CHD9: variants seen among roughly 807,000 people sequenced by gnomAD.
CHD9 encodes chromodomain helicase DNA binding protein 9.
CHD9 carries 77 observed loss-of-function variants against 316.1 expected under a neutral mutation model. The observed-to-expected ratio is 0.24, with a 90% CI of 0.20 to 0.29. The LOEUF is 0.29. Ranked by LOEUF, CHD9 falls within the 10% of genes least tolerant of loss-of-function variation. The probability of loss-of-function intolerance (pLI) is 1.00; values close to 1 mark genes in which losing one functional copy is unlikely to be tolerated. For missense variants in CHD9, 2,763 were observed against 3,438.1 expected (o/e 0.80, Z 4.91); for synonymous variants, 1,129 against 1,158.3 (o/e 0.97, Z 0.51).
chr16:53,250,891 AC>A (rs1398098077), intron 17 of CHD9, among the ~76,000 whole-genome samples: 4 of 152,182 alleles, frequency 2.6e-5, no homozygotes, highest in Non-Finnish European at 5.9e-5. Context: ...GTAGCTCTGA[AC>A]AACCCATTAA....
chr16:53,083,312 T>C (rs1377856253), intron 1 of CHD9, among the ~76,000 whole-genome samples: 1 of 152,200 alleles, frequency 6.6e-6, no homozygotes, highest in African/African-American at 2.4e-5. Flanking sequence ...TTTAACACAC[T>C]TGCCCTTGCT....
intron 1 of CHD9, among the ~76,000 whole-genome samples, chr16:53,101,273 C>CTTTTTTTTTTTTTTTT (rs1012377760): frequency 8.0e-6 from 1 of 124,862 alleles, no homozygotes; most frequent in African/African-American, 3.0e-5. Flanking sequence ...TTTTCCTTTT[C>CTTTTTTTTTTTTTTTT]TTTTTTTTTT....
intron 1 of CHD9, among the ~76,000 whole-genome samples, chr16:53,074,132 CT>C (rs1201304272): frequency 6.6e-6 from 1 of 152,146 alleles, no homozygotes; most frequent in African/African-American, 2.4e-5. Context: ...GCAAAGGTGA[CT>C]CTTCTTTATG....
chr16:53,055,211 TG>T (rs900738629), intron 1 of CHD9, 134 bp downstream of exon 1: 17 of 152,738 alleles, frequency 1.1e-4, no homozygotes, highest in Non-Finnish European at 1.7e-4. Flanking sequence ...GTTGTAGCCG[TG>T]GGGGGGACCC....
At chr16:53,252,542 A>G (rs1175409539) in intron 17 of CHD9, among the ~76,000 whole-genome samples, 3 of 152,204 alleles carry the variant, frequency 2.0e-5, no homozygotes, top group African/African-American at 7.2e-5. Context: ...AAAAACAAAG[A>G]TAAATAGCTG....
chr16:53,303,126 G>C (rs2055599989), intron 30 of CHD9, among the ~76,000 whole-genome samples: 1 of 151,686 alleles, frequency 6.6e-6, no homozygotes, highest in Non-Finnish European at 1.5e-5. Flanking sequence ...CTGTGGCCCA[G>C]GACAGCTTTG....
chr16:53,217,155 T>A (rs2046829192), intron 3 of CHD9, among the ~76,000 whole-genome samples: 1 of 152,238 alleles, frequency 6.6e-6, no homozygotes, highest in South Asian at 2.1e-4. Context: ...TCAGACTTTT[T>A]TCTTTTATGA....
At chr16:53,318,392 A>C (rs2057035154) in intron 37 of CHD9, 52 bp downstream of exon 37, 25 of 1,418,866 alleles carry the variant, frequency 1.8e-5, no homozygotes, top group African/African-American at 2.9e-5. Context: ...TATTTAAGAG[A>C]TCTCCAGAAC....
At chr16:53,139,456 T>A (rs1226301616) in intron 1 of CHD9, among the ~76,000 whole-genome samples, 5 of 152,136 alleles carry the variant, frequency 3.3e-5, no homozygotes, top group African/African-American at 4.8e-5. Flanking sequence ...GGCAATAAAA[T>A]TACAGTGGTG....
intron 1 of CHD9, among the ~76,000 whole-genome samples, chr16:53,119,496 C>A (rs569474122): frequency 6.6e-6 from 1 of 152,158 alleles, no homozygotes; most frequent in African/African-American, 2.4e-5. Flanking sequence ...CATGGGATTG[C>A]AGAAAGGTGG....
intron 1 of CHD9, among the ~76,000 whole-genome samples, chr16:53,144,080 G>T (rs979521756): frequency 2.0e-5 from 3 of 152,182 alleles, no homozygotes; most frequent in Admixed American, 2.0e-4. Context: ...TCTCAGATAA[G>T]TTTTTCTTTT....
At chr16:53,315,132 T>C in intron 36 of CHD9, 88 bp downstream of exon 36, 1 of 889,392 alleles carries the variant, frequency 1.1e-6, no homozygotes, top group Non-Finnish European at 1.7e-6. Flanking sequence ...CATCCACTTA[T>C]GCTAAATATG....
At position 53,155,996 on chromosome 16, in the gene CHD9, T is replaced by C. The variant is rs977960186; in HGVS notation, c.-94T>C. 1.1e-5 allele frequency: 13 copies of C among 1,191,296 alleles called. No homozygotes were observed. In the Admixed American group the frequency reaches 3.6e-4, roughly 33 times the overall value. 73.8% of individuals were successfully genotyped at this position (1,191,296 alleles called of 1,614,324 possible). ...TATTGACCTGTTTTGGATTAGTTGA[T>C]GACCTTCGGAAATGATCCAATAATA... On this transcript the variant is annotated 5_prime_UTR_variant, in exon 2 of 39. The change abolishes an upstream ATG in the 5' untranslated region. Transcript: ENST00000447540.
At chr16:53,071,578 A>G (rs1408202593) in intron 1 of CHD9, among the ~76,000 whole-genome samples, 1 of 152,170 alleles carries the variant, frequency 6.6e-6, no homozygotes, top group Non-Finnish European at 1.5e-5. Context: ...TAATCAATAC[A>G]TCTTCCCAGA....
chr16:53,162,130 A>G (rs1073454), intron 2 of CHD9, among the ~76,000 whole-genome samples: 18,499 of 152,196 alleles, frequency 0.12, 1,311 homozygotes, highest in South Asian at 0.23. Context: ...ACGCTAAACT[A>G]TGTGTCAATT....
chr16:53,252,156 G>C (rs1045367070), intron 17 of CHD9, among the ~76,000 whole-genome samples: 1 of 152,010 alleles, frequency 6.6e-6, no homozygotes, highest in Non-Finnish European at 1.5e-5. Flanking sequence ...AAACTATACT[G>C]TAAGGCCATA....
chr16:53,071,169 T>C (rs1322987936), intron 1 of CHD9, among the ~76,000 whole-genome samples: 1 of 152,180 alleles, frequency 6.6e-6, no homozygotes, highest in Non-Finnish European at 1.5e-5. Flanking sequence ...CTTTCACCAG[T>C]GTTTTGTAGT....
intron 1 of CHD9, among the ~76,000 whole-genome samples, chr16:53,066,602 G>T (rs770319932): frequency 5.9e-5 from 9 of 152,124 alleles, no homozygotes; most frequent in Non-Finnish European, 1.0e-4. Context: ...CCCTAGGAAG[G>T]CTGCTAGTCT....
intron 4 of CHD9, among the ~76,000 whole-genome samples, chr16:53,223,783 G>T (rs2047431629): frequency 6.6e-6 from 1 of 151,638 alleles, no homozygotes; most frequent in South Asian, 2.1e-4. Flanking sequence ...AAATGGTGAA[G>T]GTAAAAATAT....
Sources: allele counts gnomAD v4.1 joint callset (sites outside exome capture counted in the v4.1 genomes callset), GRCh38; gene constraint gnomAD v4.1.1; transcripts MANE v1.5; gene names NCBI Gene and HGNC (gene_info 2026-07-23, HGNC 2026-07-21).